Variants in SLC16A7 observed in about 807,000 individuals in gnomAD.
SLC16A7 encodes the protein solute carrier family 16 member 7, also known as monocarboxylate transporter 2.
In SLC16A7, 33 loss-of-function variants were observed where a neutral mutation model predicts 34.9. The observed-to-expected ratio is 0.94, with a 90% confidence interval of 0.72 to 1.26. The LOEUF (loss-of-function observed/expected upper bound fraction) is 1.26, where lower values mean the gene tolerates loss of function less well. Ranked by LOEUF, SLC16A7 falls within the 50% of genes most tolerant of loss-of-function variation. SLC16A7 has a pLI of 0.00. For missense variants in SLC16A7, 573 were observed against 578.1 expected (o/e 0.99, Z 0.09); for synonymous variants, 201 against 206.6 (o/e 0.97, Z 0.23).
chr12:59,666,220 ATGT>A (rs1374194688), intron 2 of SLC16A7, among the ~76,000 whole-genome samples: 1 of 152,112 alleles, frequency 6.6e-6, no homozygotes, highest in Non-Finnish European at 1.5e-5. Flanking sequence ...GTCAATATTC[ATGT>A]TGTTTTTTAG....
chr12:59,666,069 T>C (rs1232517297), intron 2 of SLC16A7, among the ~76,000 whole-genome samples: 1 of 152,044 alleles, frequency 6.6e-6, no homozygotes, highest in African/African-American at 2.4e-5. Flanking sequence ...GAGTTTGGAG[T>C]TGATAGGAAT....
chr12:59,699,619 G>A (rs56335159), intron 2 of SLC16A7, among the ~76,000 whole-genome samples: 3 of 151,832 alleles, frequency 2.0e-5, no homozygotes, highest in African/African-American at 7.2e-5. Context: ...TCTAACTGGA[G>A]ACAGTCCAAA....
chr12:59,636,595 C>G (rs1880438599), intron 1 of SLC16A7, among the ~76,000 whole-genome samples: 1 of 152,104 alleles, frequency 6.6e-6, no homozygotes, highest in Admixed American at 6.6e-5. Context: ...TCCCAAGTAG[C>G]TGGGACTACA....
chr12:59,655,668 T>A (rs768621720), intron 2 of SLC16A7, among the ~76,000 whole-genome samples: 26 of 152,056 alleles, frequency 1.7e-4, no homozygotes, highest in East Asian at 3.9e-4. Context: ...TGGCACTTTT[T>A]AAAAAAACTA....
intron 1 of SLC16A7, among the ~76,000 whole-genome samples, chr12:59,621,104 G>A (rs1246187521): frequency 6.6e-6 from 1 of 151,836 alleles, no homozygotes; most frequent in East Asian, 1.9e-4. Context: ...CTCCACCACT[G>A]TTCTCTAGAC....
chr12:59,779,356 A>G lies in SLC16A7; in HGVS notation c.1181-67A>G, dbSNP rs1883058616. 5 of 1,199,022 alleles carry G rather than the reference A, an allele frequency of 4.2e-6. No individual in the cohort carries two copies. In the South Asian group the frequency reaches 4.8e-5, roughly 12 times the overall value. 74.3% of individuals were successfully genotyped at this position (1,199,022 alleles called of 1,614,324 possible). ...AGGAATATACTTTGAAGAATAATTT[A>G]TTTGAATTTTTATCATTATATGACT... On this transcript the variant is annotated intron_variant, in intron 5 of 5. Coordinates refer to ENST00000547379, the MANE Select transcript of SLC16A7 (RefSeq NM_001270623.2).
intron 3 of SLC16A7, chr12:59,733,827 C>T (rs781068269): frequency 8.8e-6 from 4 of 455,884 alleles, no homozygotes; most frequent in Non-Finnish European, 1.8e-5. Flanking sequence ...CTTAGGAGAG[C>T]CACGGTGGGC....
intron 3 of SLC16A7, among the ~76,000 whole-genome samples, chr12:59,716,712 G>C (rs1333028058): frequency 6.6e-6 from 1 of 152,066 alleles, no homozygotes; most frequent in Non-Finnish European, 1.5e-5. Flanking sequence ...ACTGGGGTAT[G>C]GTGGTGTGTG....
intron 1 of SLC16A7, among the ~76,000 whole-genome samples, chr12:59,603,904 G>A (rs909777481): frequency 6.6e-6 from 1 of 152,130 alleles, no homozygotes; most frequent in South Asian, 2.1e-4. Context: ...TTCTACTTGT[G>A]ACTCAAATTT....
intron 3 of SLC16A7, among the ~76,000 whole-genome samples, chr12:59,737,341 G>T (rs1269872767): frequency 6.6e-6 from 1 of 152,144 alleles, no homozygotes; most frequent in African/African-American, 2.4e-5. Context: ...GCCAGTGTTT[G>T]GGTTGATTGC....
intron 3 of SLC16A7, among the ~76,000 whole-genome samples, chr12:59,745,006 C>G (rs1878742811): frequency 6.6e-6 from 1 of 152,160 alleles, no homozygotes; most frequent in South Asian, 2.1e-4. Context: ...TTATGAGAGC[C>G]TCATCTCATT....
chr12:59,655,668 TA>T (rs964178403), intron 2 of SLC16A7, among the ~76,000 whole-genome samples: 4 of 151,938 alleles, frequency 2.6e-5, no homozygotes. Context: ...TGGCACTTTT[TA>T]AAAAAACTAC....
At chr12:59,626,602 T>C (rs544954240) in intron 1 of SLC16A7, among the ~76,000 whole-genome samples, 1 of 151,700 alleles carries the variant, frequency 6.6e-6, no homozygotes, top group Non-Finnish European at 1.5e-5. Flanking sequence ...TGATCTAAGC[T>C]CAAAATTCTT....
At position 59,760,639 on chromosome 12, in the gene SLC16A7, T is replaced by C. The variant is rs562597550; in HGVS notation, c.218-10580T>C. On this transcript the variant is annotated intron_variant, in intron 3 of 5. Coordinates refer to ENST00000547379, the MANE Select transcript of SLC16A7 (RefSeq NM_001270623.2). Reference sequence around the variant, plus strand: ...ACTTGCCTTTTTTCTTCTTGCAATCTGTTAACCTGATAACTAAGAGGGCTG... The same window carrying C: ...ACTTGCCTTTTTTCTTCTTGCAATCCGTTAACCTGATAACTAAGAGGGCTG... Among the ~76,000 whole-genome samples the C allele has an allele frequency of 3.3e-5, 5 of 152,214 alleles. No homozygotes were observed. In the South Asian group the frequency reaches 1.0e-3, roughly 32 times the overall value.
At chr12:59,687,663 C>T (rs1871262924) in intron 2 of SLC16A7, among the ~76,000 whole-genome samples, 1 of 152,094 alleles carries the variant, frequency 6.6e-6, no homozygotes, top group African/African-American at 2.4e-5. Flanking sequence ...GCTGCTTAGG[C>T]ACTATGGGTC....
At chr12:59,730,591 A>G (rs1303805776) in intron 3 of SLC16A7, among the ~76,000 whole-genome samples, 1 of 152,162 alleles carries the variant, frequency 6.6e-6, no homozygotes, top group Non-Finnish European at 1.5e-5. Context: ...ATTGGGATTG[A>G]CTTAGCTAAG....
chr12:59,662,355 C>G (rs1426008749), intron 2 of SLC16A7, among the ~76,000 whole-genome samples: 1 of 152,050 alleles, frequency 6.6e-6, no homozygotes, highest in Admixed American at 6.6e-5. Context: ...AATTAATAAC[C>G]TATTCCAAGG....
At chr12:59,623,660 A>T (rs1018190714) in intron 1 of SLC16A7, among the ~76,000 whole-genome samples, 2 of 151,610 alleles carry the variant, frequency 1.3e-5, no homozygotes, top group African/African-American at 4.8e-5. Context: ...ATTCTGTTTT[A>T]TTTGTAGATT....
At chr12:59,669,731 T>C (rs1869519180) in intron 2 of SLC16A7, among the ~76,000 whole-genome samples, 1 of 150,848 alleles carries the variant, frequency 6.6e-6, no homozygotes, top group Non-Finnish European at 1.5e-5. Context: ...ATACTTTCAA[T>C]GCTGTAAAGG....
Sources: allele counts gnomAD v4.1 joint callset (sites outside exome capture counted in the v4.1 genomes callset), GRCh38; gene constraint gnomAD v4.1.1; transcripts MANE v1.5; gene names NCBI Gene and HGNC (gene_info 2026-07-23, HGNC 2026-07-21).